Variants in COMMD1 observed in about 807,000 individuals in gnomAD.
COMMD1 encodes the protein COMM domain-containing protein 1.
COMMD1 carries 10 observed loss-of-function variants against 17.2 expected under a neutral mutation model. The observed-to-expected ratio is 0.58, with a 90% confidence interval of 0.36 to 0.99. COMMD1 has a LOEUF of 0.99. Among genes scored for constraint, COMMD1 ranks in the 50% least tolerant of loss-of-function variants. The pLI is 0.01. For missense variants in COMMD1, 270 were observed against 231.8 expected (o/e 1.17, Z -1.07); for synonymous variants, 97 against 91.6 (o/e 1.06, Z -0.34).
At chr2:62,101,605 G>GTC (rs376021160) in intron 2 of COMMD1, among the ~76,000 whole-genome samples, 10,977 of 151,036 alleles carry the variant, frequency 0.073, 1,358 homozygotes, top group African/African-American at 0.25. Flanking sequence ...ACAAGACCCT[G>GTC]TCTCTCTCTC....
At chr2:62,113,031 T>G (rs966975030) in intron 2 of COMMD1, among the ~76,000 whole-genome samples, 2 of 152,178 alleles carry the variant, frequency 1.3e-5, no homozygotes, top group Non-Finnish European at 2.9e-5. Context: ...GAAGAGATTT[T>G]TCTCCTTGAA....
At chr2:62,088,369 G>A (rs1216361115) in intron 2 of COMMD1, among the ~76,000 whole-genome samples, 2 of 152,114 alleles carry the variant, frequency 1.3e-5, no homozygotes, top group South Asian at 2.1e-4. Flanking sequence ...TAACTGCATC[G>A]TAAGCACTGA....
chr2:62,001,129 A>G, intron 2 of COMMD1, 147 bp downstream of exon 2: 1 of 807,348 alleles, frequency 1.2e-6, no homozygotes, highest in South Asian at 1.6e-5. Flanking sequence ...AATCATCTGA[A>G]AATTTGGATA....
intron 2 of COMMD1, among the ~76,000 whole-genome samples, chr2:62,101,771 A>G (rs1438915907): frequency 6.6e-6 from 1 of 152,188 alleles, no homozygotes; most frequent in Non-Finnish European, 1.5e-5. Flanking sequence ...GAGGAACTCC[A>G]AAAGCTTCCA....
rs572776073 is a variant in COMMD1, at chr2:61,890,061, A to G, written n.119+1219A>G. Among the ~76,000 whole-genome samples, 23 of 152,320 alleles carry G rather than the reference A, an allele frequency of 1.5e-4. No individual in the cohort carries two copies. In the South Asian group the frequency reaches 4.6e-3, roughly 30 times the overall value. Reference sequence around the variant, plus strand: ...AAACTGCTGGTCTCCTATGACCACTATATTTCAGTAGGGAAGTTTATGAAA... The same window carrying G: ...AAACTGCTGGTCTCCTATGACCACTGTATTTCAGTAGGGAAGTTTATGAAA... On this transcript the variant is annotated intron_variant and non_coding_transcript_variant, in intron 1 of 2. Transcript: ENST00000472729.
intron 2 of COMMD1, among the ~76,000 whole-genome samples, chr2:62,002,061 T>C (rs919796166): frequency 2.5e-4 from 38 of 152,038 alleles, no homozygotes; most frequent in Admixed American, 7.2e-4. Context: ...TCCTAGCTAC[T>C]TGGGAGGCTG....
chr2:61,990,211 G>A (rs1031440741), intron 1 of COMMD1, among the ~76,000 whole-genome samples: 13 of 152,318 alleles, frequency 8.5e-5, no homozygotes, highest in Middle Eastern at 3.4e-3. Flanking sequence ...GTAAGAGGTA[G>A]GGGGATATGA....
At chr2:61,952,508 G>C (rs1671084256) in intron 1 of COMMD1, among the ~76,000 whole-genome samples, 1 of 151,674 alleles carries the variant, frequency 6.6e-6, no homozygotes, top group African/African-American at 2.4e-5. Flanking sequence ...TGACTCAGCT[G>C]GTCCTGTGGC....
chr2:62,027,243 G>T (rs1669784469), intron 2 of COMMD1, among the ~76,000 whole-genome samples: 1 of 152,090 alleles, frequency 6.6e-6, no homozygotes, highest in Non-Finnish European at 1.5e-5. Flanking sequence ...TCTATATTAT[G>T]AGCTTGTGTT....
chr2:61,995,072 C>T (rs1008033785), intron 1 of COMMD1, among the ~76,000 whole-genome samples: 1 of 150,914 alleles, frequency 6.6e-6, no homozygotes, highest in Non-Finnish European at 1.5e-5. Context: ...AGTCCAACTA[C>T]TTACTGTTAT....
chr2:62,034,103 A>G (rs1443570209), intron 2 of COMMD1, among the ~76,000 whole-genome samples: 3 of 151,702 alleles, frequency 2.0e-5, no homozygotes, highest in Non-Finnish European at 4.4e-5. Context: ...AAAAAAAAAA[A>G]AAAAAAAAGA....
At chr2:62,090,103 C>T (rs1323303122) in intron 2 of COMMD1, among the ~76,000 whole-genome samples, 1 of 150,766 alleles carries the variant, frequency 6.6e-6, no homozygotes, top group Non-Finnish European at 1.5e-5. Context: ...AAAAAAAAAT[C>T]CCAGGTCATA....
At chr2:62,041,675 T>C (rs1010713421) in intron 2 of COMMD1, among the ~76,000 whole-genome samples, 1 of 152,144 alleles carries the variant, frequency 6.6e-6, no homozygotes, top group African/African-American at 2.4e-5. Context: ...CCGGAATTGG[T>C]GGGTTCTTGG....
At chr2:62,108,047 T>C (rs1672363268) in intron 2 of COMMD1, among the ~76,000 whole-genome samples, 1 of 152,190 alleles carries the variant, frequency 6.6e-6, no homozygotes. Context: ...TACCTCAGTA[T>C]TTTTGCATAT....
Position 61,997,311 on chromosome 2 carries a change from C to A in COMMD1, c.181-3390C>A, listed in dbSNP as rs932143337. ...TCCCAGGCTCAAGCAATCTGCCCAC[C>A]TCGGCCTCCCAAGTGCTGAGATTAT... On this transcript the variant is annotated intron_variant, in intron 1 of 2. Transcript: ENST00000311832. 5.3e-5 allele frequency among the ~76,000 whole-genome samples: 8 copies of A among 152,022 alleles called. No homozygotes were observed. In the East Asian group the frequency reaches 7.7e-4, roughly 15 times the overall value.
At chr2:61,903,938 G>T (rs1380534877), upstream of COMMD1, among the ~76,000 whole-genome samples, 3 of 152,226 alleles carry the variant, frequency 2.0e-5, no homozygotes, top group Non-Finnish European at 4.4e-5. Flanking sequence ...TCATAAAGGT[G>T]AAAAACCTGT....
chr2:61,947,695 CA>C (rs1281905477), intron 1 of COMMD1, among the ~76,000 whole-genome samples: 2 of 145,158 alleles, frequency 1.4e-5, no homozygotes. Flanking sequence ...AAACAACAAA[CA>C]AAAAAAATTT....
chr2:62,045,667 G>A (rs1462546707), intron 2 of COMMD1, among the ~76,000 whole-genome samples: 2 of 149,544 alleles, frequency 1.3e-5, no homozygotes, highest in African/African-American at 4.9e-5. Flanking sequence ...CTCCCAAAGT[G>A]CTGGCATTGC....
chr2:62,028,905 T>C (rs1402478512), intron 2 of COMMD1, among the ~76,000 whole-genome samples: 1 of 152,176 alleles, frequency 6.6e-6, no homozygotes, highest in African/African-American at 2.4e-5. Context: ...TAGGCTGCTT[T>C]TATCTAAATG....
Sources: gnomAD v4.1 joint callset for allele counts (sites outside exome capture counted in the v4.1 genomes callset) on GRCh38, gnomAD v4.1.1 for gene constraint, MANE v1.5 for transcripts, NCBI Gene and HGNC (gene_info 2026-07-23, HGNC 2026-07-21) for gene names.